LHFPL3: variants seen among roughly 807,000 people sequenced by gnomAD.
LHFPL3 encodes the protein LHFPL tetraspan subfamily member 3 protein.
Under a neutral mutation model 19.3 loss-of-function variants are expected in LHFPL3, and 5 were observed. That is an observed-to-expected ratio of 0.26 (90% CI 0.14 to 0.54). LHFPL3 has a LOEUF of 0.54. Among genes scored for constraint, LHFPL3 ranks in the 20% least tolerant of loss-of-function variants. LHFPL3 has a pLI of 0.94. For missense variants in LHFPL3, 249 were observed against 307.4 expected, an observed-to-expected ratio of 0.81 and a Z score of 1.42; for synonymous variants, 133 against 126.2, an observed-to-expected ratio of 1.05 and a Z score of -0.36.
At chr7:104,898,965 T>C (rs1792426685) in intron 2 of LHFPL3, among the ~76,000 whole-genome samples, 1 of 151,702 alleles carries the variant, frequency 6.6e-6, no homozygotes, top group South Asian at 2.1e-4. Flanking sequence ...TAGCCAGGCA[T>C]GGTGGTATGC....
intron 1 of LHFPL3, among the ~76,000 whole-genome samples, chr7:104,385,111 C>A (rs1790912434): frequency 6.6e-6 from 1 of 152,092 alleles, no homozygotes; most frequent in Non-Finnish European, 1.5e-5. Flanking sequence ...CCTGTAATCC[C>A]AGCATTTCAT....
rs947402812 is a variant in LHFPL3 at position 104,657,069 on chromosome 7, C to G, written c.446-79606C>G. On this transcript the variant is annotated intron_variant, in intron 1 of 2. Coordinates refer to ENST00000424859, the MANE Select transcript of LHFPL3 (RefSeq NM_199000.3). ...TTGATGGCTCAATTTCTCCACCTAT[C>G]CCTTTTTACTTATTTTCAATCATGT... 2.6e-5 allele frequency among the ~76,000 whole-genome samples: 4 copies of G among 152,200 alleles called. No homozygotes were observed. In the East Asian group the frequency reaches 5.8e-4, roughly 22 times the overall value.
At chr7:104,817,624 C>T (rs1015234959) in intron 2 of LHFPL3, among the ~76,000 whole-genome samples, 1 of 152,164 alleles carries the variant, frequency 6.6e-6, no homozygotes, top group African/African-American at 2.4e-5. Flanking sequence ...CATCATAGAG[C>T]CCTGAGGCCC....
intron 1 of LHFPL3, among the ~76,000 whole-genome samples, chr7:104,539,814 C>T (rs1794452404): frequency 6.6e-6 from 1 of 152,116 alleles, no homozygotes; most frequent in South Asian, 2.1e-4. Flanking sequence ...CTTTATTTAA[C>T]AAAGTGATGG....
At chr7:104,435,894 C>T (rs1458095371) in intron 1 of LHFPL3, among the ~76,000 whole-genome samples, 2 of 151,710 alleles carry the variant, frequency 1.3e-5, no homozygotes, top group African/African-American at 4.9e-5. Flanking sequence ...AGAAATAAGG[C>T]CATTTTCAGG....
At chr7:104,489,290 A>G (rs1793295350) in intron 1 of LHFPL3, among the ~76,000 whole-genome samples, 1 of 37,118 alleles carries the variant, frequency 2.7e-5, no homozygotes, top group Non-Finnish European at 9.7e-5. Context: ...CACCGTTTTT[A>G]GCCGGGATGG....
At chr7:104,681,469 A>G (rs1792701249) in intron 1 of LHFPL3, among the ~76,000 whole-genome samples, 2 of 152,060 alleles carry the variant, frequency 1.3e-5, no homozygotes, top group Non-Finnish European at 2.9e-5. Flanking sequence ...CTAAAAATAC[A>G]AAATTAGCCG....
At chr7:104,896,160 C>A (rs1255943678) in intron 2 of LHFPL3, 1 of 152,212 alleles carries the variant, frequency 6.6e-6, no homozygotes, top group Non-Finnish European at 1.5e-5. Context: ...CAAATACAGT[C>A]GTATTGGGGG....
intron 1 of LHFPL3, among the ~76,000 whole-genome samples, chr7:104,629,710 A>G (rs780987078): frequency 1.3e-5 from 2 of 152,156 alleles, no homozygotes; most frequent in Non-Finnish European, 2.9e-5. Context: ...ACTATTTAAG[A>G]TTCTACTTAC....
At chr7:104,352,087 C>T (rs1790188054) in intron 1 of LHFPL3, among the ~76,000 whole-genome samples, 1 of 151,600 alleles carries the variant, frequency 6.6e-6, no homozygotes, top group African/African-American at 2.4e-5. Context: ...ATCCTTTGAG[C>T]TCAGGATTTG....
intron 2 of LHFPL3, among the ~76,000 whole-genome samples, chr7:104,905,885 G>A (rs975435704): frequency 6.6e-6 from 1 of 152,200 alleles, no homozygotes; most frequent in Admixed American, 6.5e-5. Flanking sequence ...AAGCAGAAAA[G>A]TCAGTGATAC....
chr7:104,521,023 C>A (rs1285805404), intron 1 of LHFPL3, among the ~76,000 whole-genome samples: 1 of 151,934 alleles, frequency 6.6e-6, no homozygotes, highest in Non-Finnish European at 1.5e-5. Flanking sequence ...TTTTCTAGTT[C>A]TTTTAATTGT....
At chr7:104,542,438 T>C (rs967867836) in intron 1 of LHFPL3, among the ~76,000 whole-genome samples, 4 of 152,116 alleles carry the variant, frequency 2.6e-5, no homozygotes, top group African/African-American at 9.7e-5. Context: ...TGTAAGTAGG[T>C]GTGGGGACTG....
At chr7:104,632,595 T>A (rs562978492) in intron 1 of LHFPL3, among the ~76,000 whole-genome samples, 1 of 152,344 alleles carries the variant, frequency 6.6e-6, no homozygotes, top group South Asian at 2.1e-4. Context: ...AGCTAACCCT[T>A]TTAAATTGAG....
chr7:104,812,837 G>A (rs1790498990), intron 2 of LHFPL3, among the ~76,000 whole-genome samples: 1 of 119,918 alleles, frequency 8.3e-6, no homozygotes, highest in South Asian at 2.7e-4. Context: ...AAAAAGGCCA[G>A]GCGCAGTGGC....
At chr7:104,526,315 G>T (rs1416825737) in intron 1 of LHFPL3, among the ~76,000 whole-genome samples, 1 of 152,154 alleles carries the variant, frequency 6.6e-6, no homozygotes. Context: ...CCACACAAGA[G>T]CCTCATCTAG....
At chr7:104,738,646 T>C (rs997677257) in intron 2 of LHFPL3, 1 of 152,194 alleles carries the variant, frequency 6.6e-6, no homozygotes, top group Non-Finnish European at 1.5e-5. Context: ...TTACAACTCA[T>C]ACTCATGTAT....
intron 1 of LHFPL3, among the ~76,000 whole-genome samples, chr7:104,436,391 G>C (rs188673381): frequency 9.3e-4 from 141 of 152,220 alleles, no homozygotes; most frequent in African/African-American, 3.3e-3. Context: ...TCATCACAGA[G>C]AGTGAATAAC....
chr7:104,482,821 G>T (rs755659954), intron 1 of LHFPL3, among the ~76,000 whole-genome samples: 1 of 152,180 alleles, frequency 6.6e-6, no homozygotes, highest in African/African-American at 2.4e-5. Context: ...GGCAGCTCCC[G>T]GGCTGGCTGT....
Sources: gnomAD v4.1 joint callset for allele counts (sites outside exome capture counted in the v4.1 genomes callset) on GRCh38, gnomAD v4.1.1 for gene constraint, MANE v1.5 for transcripts, NCBI Gene and HGNC (gene_info 2026-07-23, HGNC 2026-07-21) for gene names.